The following ADK variants were observed in gnomAD, a reference collection of about 807,000 sequenced individuals.
ADK encodes N6,N6-dimethyladenosine kinase.
ADK carries 24 observed loss-of-function variants against 44.7 expected under a neutral mutation model. The ratio of observed to expected loss-of-function variants is 0.54; its 90% CI spans 0.39 to 0.76. The LOEUF is 0.76. Among genes scored for constraint, ADK ranks in the 30% least tolerant of loss-of-function variants. ADK has a pLI of 0.00. For synonymous variants in ADK, 128 were observed against 142.6 expected (o/e 0.90, Z 0.73); for missense variants, 321 against 425.1 (o/e 0.76, Z 2.15).
intron 1 of ADK, among the ~76,000 whole-genome samples, chr10:74,176,241 T>C (rs140615748): frequency 1.2e-4 from 18 of 152,322 alleles, no homozygotes; most frequent in African/African-American, 3.8e-4. Flanking sequence ...CAATTGACTC[T>C]CAAAGGCTGC....
chr10:74,166,686 CAAA>C (rs10710680), intron 1 of ADK, among the ~76,000 whole-genome samples: 8 of 101,224 alleles, frequency 7.9e-5, no homozygotes, highest in Admixed American at 3.2e-4. Flanking sequence ...GACTCCGTCT[CAAA>C]AAAAAAAAAA....
At chr10:74,361,074 A>AT (rs1203232100) in intron 4 of ADK, among the ~76,000 whole-genome samples, 1 of 152,048 alleles carries the variant, frequency 6.6e-6, no homozygotes, top group East Asian at 1.9e-4. Context: ...TGCCTGGCTA[A>AT]TTTTTGTATT....
At chr10:74,414,793 C>T (rs1844311840) in intron 6 of ADK, among the ~76,000 whole-genome samples, 1 of 152,078 alleles carries the variant, frequency 6.6e-6, no homozygotes. Context: ...TTGTTTTCTT[C>T]AATAAATAAA....
chr10:74,580,818 A>G (rs563264771), intron 7 of ADK, among the ~76,000 whole-genome samples: 2 of 152,242 alleles, frequency 1.3e-5, no homozygotes, highest in East Asian at 1.9e-4. Context: ...AAAATTCATA[A>G]TGTCTGTTAT....
At chr10:74,305,492 C>A (rs1840214082) in intron 3 of ADK, among the ~76,000 whole-genome samples, 1 of 152,068 alleles carries the variant, frequency 6.6e-6, no homozygotes, top group Non-Finnish European at 1.5e-5. Context: ...CACAGCTTCA[C>A]CCCTCCCTTA....
intron 6 of ADK, among the ~76,000 whole-genome samples, chr10:74,487,474 G>T (rs1847305978): frequency 6.7e-6 from 1 of 149,890 alleles, no homozygotes; most frequent in African/African-American, 2.4e-5. Flanking sequence ...TTTTTTTCTG[G>T]GCACTTTAAA....
At chr10:74,200,164 T>G (rs563131495) in intron 1 of ADK, among the ~76,000 whole-genome samples, 2 of 147,534 alleles carry the variant, frequency 1.4e-5, no homozygotes, top group African/African-American at 5.0e-5. Context: ...CTGTTTTTTT[T>G]TTTTTTTTTT....
intron 2 of ADK, among the ~76,000 whole-genome samples, chr10:74,208,938 T>C (rs1216440526): frequency 6.6e-6 from 1 of 152,092 alleles, no homozygotes; most frequent in East Asian, 1.9e-4. Context: ...GGTTTCACCA[T>C]GTTGGCCAGG....
intron 3 of ADK, among the ~76,000 whole-genome samples, chr10:74,256,604 G>A (rs1845833969): frequency 6.6e-6 from 1 of 152,106 alleles, no homozygotes. Context: ...GTGCAAGACT[G>A]TCCAGACTAC....
chr10:74,164,931 T>G (rs1467393778), intron 1 of ADK, among the ~76,000 whole-genome samples: 1 of 152,220 alleles, frequency 6.6e-6, no homozygotes, highest in Non-Finnish European at 1.5e-5. Flanking sequence ...TCCCAAGATG[T>G]TGATTCTTTA....
At chr10:74,705,152 G>A (rs1856554557) in intron 10 of ADK, among the ~76,000 whole-genome samples, 3 of 152,320 alleles carry the variant, frequency 2.0e-5, no homozygotes, top group South Asian at 2.1e-4. Context: ...GTTCTCTACA[G>A]GTCATTATAC....
At chr10:74,557,917 A>G (rs920271161) in intron 7 of ADK, among the ~76,000 whole-genome samples, 3 of 152,214 alleles carry the variant, frequency 2.0e-5, no homozygotes, top group Non-Finnish European at 2.9e-5. Context: ...ACTTGGGGTC[A>G]GCAGAAAGGA....
At chr10:74,374,965 A>T (rs1842774533) in intron 4 of ADK, among the ~76,000 whole-genome samples, 1 of 152,098 alleles carries the variant, frequency 6.6e-6, no homozygotes, top group Non-Finnish European at 1.5e-5. Context: ...CCTCCAGTAG[A>T]GCTATGAACT....
chr10:74,239,649 C>G (rs1845117463), intron 3 of ADK, among the ~76,000 whole-genome samples: 2 of 140,490 alleles, frequency 1.4e-5, no homozygotes, highest in African/African-American at 5.4e-5. Flanking sequence ...GAGGTTGAGT[C>G]TGCATGCAGT....
At chr10:74,240,626 G>T (rs1845174429) in intron 3 of ADK, among the ~76,000 whole-genome samples, 2 of 152,098 alleles carry the variant, frequency 1.3e-5, no homozygotes, top group African/African-American at 4.8e-5. Flanking sequence ...CCTAAGACTT[G>T]TAGGCCATTG....
chr10:74,195,707 C>CTTTTTTTTTTTTTTTTTTTT (rs71475265), intron 1 of ADK, among the ~76,000 whole-genome samples: 21 of 97,522 alleles, frequency 2.2e-4, no homozygotes, highest in South Asian at 3.4e-4. Flanking sequence ...TCTTTTCTTT[C>CTTTTTTTTTTTTTTTTTTTT]TTTTTTTTTT....
chr10:74,623,561 G>A (rs1430077408), intron 9 of ADK, among the ~76,000 whole-genome samples: 1 of 152,070 alleles, frequency 6.6e-6, no homozygotes, highest in Non-Finnish European at 1.5e-5. Context: ...GAATTTGTTA[G>A]AGCTGGAAAA....
intron 1 of ADK, among the ~76,000 whole-genome samples, chr10:74,178,984 A>G (rs1842443969): frequency 1.3e-5 from 2 of 152,208 alleles, no homozygotes; most frequent in South Asian, 4.1e-4. Context: ...AAACTTCCTG[A>G]AAAAGCTGTT....
At chr10:74,267,640 T>C (rs1202589551) in intron 3 of ADK, among the ~76,000 whole-genome samples, 2 of 152,298 alleles carry the variant, frequency 1.3e-5, no homozygotes, top group African/African-American at 4.8e-5. Flanking sequence ...GATGTTGGTA[T>C]GGCTGATTTT....
Sources: allele counts gnomAD v4.1 joint callset (sites outside exome capture counted in the v4.1 genomes callset), GRCh38; gene constraint gnomAD v4.1.1; transcripts MANE v1.5; gene names NCBI Gene and HGNC (gene_info 2026-07-23, HGNC 2026-07-21).